The following CTNNA3 variants were observed in gnomAD, a reference collection of about 807,000 sequenced individuals.
The protein encoded by CTNNA3 is catenin alpha-3.
A neutral mutation model predicts 95.7 loss-of-function variants in CTNNA3; 76 were observed. The ratio of observed to expected loss-of-function variants is 0.79; its 90% CI spans 0.66 to 0.96. The LOEUF (loss-of-function observed/expected upper bound fraction) is 0.96, where lower values mean the gene tolerates loss of function less well. CTNNA3 is among the 40% of genes least tolerant of loss of function. CTNNA3 has a pLI of 0.00. For missense variants in CTNNA3, 1,191 were observed against 1,089.8 expected, an observed-to-expected ratio of 1.09 and a Z score of -1.31; for synonymous variants, 431 against 374.4, an observed-to-expected ratio of 1.15 and a Z score of -1.74.
intron 13 of CTNNA3, among the ~76,000 whole-genome samples, chr10:66,116,543 A>G (rs962925164): frequency 3.9e-5 from 6 of 152,204 alleles, no homozygotes; most frequent in African/African-American, 1.2e-4. Context: ...ATGATTCAGT[A>G]ATAAAAAGGA....
At chr10:67,408,371 C>T (rs1428059810) in intron 5 of CTNNA3, among the ~76,000 whole-genome samples, 1 of 152,080 alleles carries the variant, frequency 6.6e-6, no homozygotes, top group Non-Finnish European at 1.5e-5. Flanking sequence ...CAGCACAGTA[C>T]TGGTACACGA....
At position 65,914,649 on chromosome 10, in the gene CTNNA3, T is replaced by C. The variant is rs1172149597; in HGVS notation, c.*5681A>G. The C allele has an allele frequency of 6.6e-6, 1 of 152,184 alleles. No individual in the cohort carries two copies. Among genetic ancestry groups the C allele is most frequent in the Admixed American group, 6.5e-5 (1 of 15,276 alleles). The allele number at this position is 152,184 out of a possible 1,614,324, so 9.4% of individuals were successfully genotyped here. ...TATAATTTTAAACACAGTCACATGT[T>C]AGCAGTAAAAGAGGAAAGGATTGGT... On this transcript the variant is annotated 3_prime_UTR_variant, in exon 18 of 18. Coordinates refer to ENST00000433211, the MANE Select transcript of CTNNA3 (RefSeq NM_013266.4).
At chr10:66,036,359 GT>G (rs531803802) in intron 15 of CTNNA3, among the ~76,000 whole-genome samples, 40 of 151,864 alleles carry the variant, frequency 2.6e-4, no homozygotes, top group Middle Eastern at 3.4e-3. Context: ...GGACCACCAG[GT>G]TTTTTTTGTT....
At chr10:65,989,446 G>A (rs1044716454) in intron 15 of CTNNA3, among the ~76,000 whole-genome samples, 8 of 151,974 alleles carry the variant, frequency 5.3e-5, no homozygotes, top group Middle Eastern at 3.2e-3. Context: ...TCAAGGCAAA[G>A]GTATTTTCCT....
At chr10:67,173,421 A>T (rs189559758) in intron 7 of CTNNA3, among the ~76,000 whole-genome samples, 2 of 152,306 alleles carry the variant, frequency 1.3e-5, no homozygotes, top group Non-Finnish European at 2.9e-5. Flanking sequence ...CCCAGCTCCA[A>T]CACTCCCCAT....
chr10:66,036,548 G>C (rs2079567078), intron 15 of CTNNA3, among the ~76,000 whole-genome samples: 1 of 151,806 alleles, frequency 6.6e-6, no homozygotes, highest in African/African-American at 2.4e-5. Context: ...CTAATTTTTT[G>C]TATTTTTAGT....
intron 5 of CTNNA3, among the ~76,000 whole-genome samples, chr10:67,431,069 A>T (rs1846096378): frequency 6.6e-6 from 1 of 151,998 alleles, no homozygotes; most frequent in East Asian, 1.9e-4. Flanking sequence ...CCATTAAGGG[A>T]AGGCTATTGT....
At chr10:66,713,712 T>A (rs887999517) in intron 9 of CTNNA3, among the ~76,000 whole-genome samples, 5 of 152,116 alleles carry the variant, frequency 3.3e-5, no homozygotes, top group African/African-American at 1.2e-4. Context: ...ACCTATATTC[T>A]ATTCTCGAAT....
At chr10:67,272,335 T>C (rs1839013131) in intron 5 of CTNNA3, among the ~76,000 whole-genome samples, 1 of 152,076 alleles carries the variant, frequency 6.6e-6, no homozygotes, top group Non-Finnish European at 1.5e-5. Flanking sequence ...ATGGATCACT[T>C]GAGCCTAGGA....
intron 5 of CTNNA3, among the ~76,000 whole-genome samples, chr10:67,481,759 C>A (rs1021563324): frequency 9.2e-5 from 14 of 152,134 alleles, no homozygotes; most frequent in Non-Finnish European, 2.1e-4. Context: ...TTACTTAGAT[C>A]CCATTTGTCA....
chr10:67,145,557 A>T (rs1338021178), intron 7 of CTNNA3, among the ~76,000 whole-genome samples: 2 of 151,420 alleles, frequency 1.3e-5, no homozygotes, highest in African/African-American at 4.9e-5. Context: ...CAGCCTCCTG[A>T]GTAACTGGGA....
At chr10:66,284,546 G>A (rs972489831) in intron 12 of CTNNA3, among the ~76,000 whole-genome samples, 3 of 151,848 alleles carry the variant, frequency 2.0e-5, no homozygotes, top group Non-Finnish European at 4.4e-5. Context: ...CCTAGGCCTT[G>A]AGCTTCTGTC....
At chr10:66,356,091 A>C (rs1040618257) in intron 12 of CTNNA3, among the ~76,000 whole-genome samples, 9 of 148,688 alleles carry the variant, frequency 6.1e-5, no homozygotes, top group Non-Finnish European at 1.2e-4. Context: ...AATCAGGTAC[A>C]GTGGATGCTC....
chr10:66,227,876 C>G (rs980778596), intron 13 of CTNNA3, among the ~76,000 whole-genome samples: 1 of 152,072 alleles, frequency 6.6e-6, no homozygotes, highest in African/African-American at 2.4e-5. Context: ...GTTAGATTTT[C>G]AAATTCTTCC....
intron 12 of CTNNA3, among the ~76,000 whole-genome samples, chr10:66,369,722 T>A (rs1248725594): frequency 6.6e-6 from 1 of 152,162 alleles, no homozygotes; most frequent in Non-Finnish European, 1.5e-5. Flanking sequence ...AATTTGTTTT[T>A]TTCTTAGCAA....
At chr10:65,935,993 T>C (rs1007986091) in intron 17 of CTNNA3, among the ~76,000 whole-genome samples, 3 of 152,118 alleles carry the variant, frequency 2.0e-5, no homozygotes, top group Non-Finnish European at 2.9e-5. Flanking sequence ...TGCAACAGCA[T>C]GGAAAGAAAA....
In CTNNA3 at chr10:66,742,787, C is replaced by T. The variant is rs148544912; in HGVS notation, c.1281+23477G>A. On this transcript the variant is annotated intron_variant, in intron 9 of 17. Transcript: ENST00000433211. ...TCTAATTATCAAGACAAAGCGTCCT[C>T]TTCTGGTGTTCTCAATTTCTGTTTA... is the stretch of plus-strand genomic sequence containing the variant. Among the ~76,000 whole-genome samples, 171 of 152,300 alleles carry T rather than the reference C, an allele frequency of 1.1e-3. 5 individuals carry two copies. The East Asian group carries it at 0.027, about 24-fold the overall frequency.
At chr10:66,782,701 G>A (rs982930402) in intron 7 of CTNNA3, among the ~76,000 whole-genome samples, 2 of 152,090 alleles carry the variant, frequency 1.3e-5, no homozygotes, top group Non-Finnish European at 2.9e-5. Context: ...ATGAAGAATT[G>A]TTAACCATAC....
In CTNNA3 at chr10:65,919,663, T is replaced by C. The variant is rs2077052572; in HGVS notation, c.*667A>G. On this transcript the variant is annotated 3_prime_UTR_variant, in exon 18 of 18. Transcript: ENST00000433211. ...TGGCATCAGAACTCATTGTAACCTT[T>C]ATAATGTTAAGAAAGCATTTTATTA... 6.6e-6 allele frequency: 1 copy of C among 152,338 alleles called. No homozygotes were observed. Among genetic ancestry groups the C allele is most frequent in the South Asian group, 2.1e-4 (1 of 4,838 alleles). The allele number at this position is 152,338 out of a possible 1,614,324, so 9.4% of individuals were successfully genotyped here.
Sources: allele counts gnomAD v4.1 joint callset (sites outside exome capture counted in the v4.1 genomes callset), GRCh38; gene constraint gnomAD v4.1.1; transcripts MANE v1.5; gene names NCBI Gene and HGNC (gene_info 2026-07-23, HGNC 2026-07-21).